KCNK10: variants seen among roughly 807,000 people sequenced by gnomAD.
KCNK10 encodes the protein potassium two pore domain channel subfamily K member 10.
KCNK10 carries 25 observed loss-of-function variants against 47.7 expected under a neutral mutation model. The observed-to-expected ratio is 0.52, with a 90% CI of 0.38 to 0.73. The LOEUF is 0.73. KCNK10 is among the 30% of genes least tolerant of loss of function. The pLI, the probability that KCNK10 is intolerant of heterozygous loss-of-function variation, is 0.00. For synonymous variants in KCNK10, 303 were observed against 285.6 expected, an observed-to-expected ratio of 1.06 and a Z score of -0.61; for missense variants, 563 against 714.5, an observed-to-expected ratio of 0.79 and a Z score of 2.42.
chr14:88,195,537 C>T (rs1031772020), intron 4 of KCNK10, among the ~76,000 whole-genome samples: 2 of 152,182 alleles, frequency 1.3e-5, no homozygotes, highest in African/African-American at 4.8e-5. Flanking sequence ...GAGGTCGCTG[C>T]TGGTTGTCCT....
At chr14:88,256,855 G>A (rs1886971740) in intron 2 of KCNK10, among the ~76,000 whole-genome samples, 1 of 152,156 alleles carries the variant, frequency 6.6e-6, no homozygotes, top group Middle Eastern at 3.4e-3. Flanking sequence ...AGCTTCTTTT[G>A]TTTAATCCTC....
chr14:88,273,312 C>A (rs1887450864), intron 1 of KCNK10, among the ~76,000 whole-genome samples: 1 of 152,154 alleles, frequency 6.6e-6, no homozygotes, highest in African/African-American at 2.4e-5. Flanking sequence ...CTGTCTCCAG[C>A]ACCATTCACA....
chr14:88,308,649 G>A (rs1044654842), intron 1 of KCNK10, among the ~76,000 whole-genome samples: 2 of 152,350 alleles, frequency 1.3e-5, no homozygotes, highest in Non-Finnish European at 2.9e-5. Flanking sequence ...TCAGCATCTT[G>A]CAATTCCTTG....
chr14:88,271,855 A>T (rs1387114251), intron 1 of KCNK10, among the ~76,000 whole-genome samples: 1 of 151,894 alleles, frequency 6.6e-6, no homozygotes, highest in Non-Finnish European at 1.5e-5. Flanking sequence ...CCTTCTCGGG[A>T]CTTGTAAGCT....
intron 4 of KCNK10, among the ~76,000 whole-genome samples, chr14:88,224,675 T>A (rs1189698716): frequency 6.6e-6 from 1 of 152,174 alleles, no homozygotes; most frequent in East Asian, 1.9e-4. Flanking sequence ...AGTGGCACGA[T>A]CTCAACTCAC....
At chr14:88,255,578 C>T (rs1286775302) in intron 2 of KCNK10, among the ~76,000 whole-genome samples, 1 of 151,548 alleles carries the variant, frequency 6.6e-6, no homozygotes, top group African/African-American at 2.4e-5. Flanking sequence ...TGGTATCCAC[C>T]TGTAGTCCCA....
chr14:88,188,206 T>C (rs1001331137), intron 5 of KCNK10, 97 bp from the exon 6 acceptor site: 6 of 1,390,286 alleles, frequency 4.3e-6, no homozygotes, highest in Middle Eastern at 1.8e-4. Context: ...TCATCCATCA[T>C]TGTTTAACAC....
chr14:88,324,157 G>A (rs1888614056), upstream of KCNK10, among the ~76,000 whole-genome samples: 1 of 152,246 alleles, frequency 6.6e-6, no homozygotes, highest in Admixed American at 6.5e-5. Context: ...CCGGGATCCT[G>A]GGACCAGCAG....
intron 1 of KCNK10, among the ~76,000 whole-genome samples, chr14:88,292,808 T>C (rs1887909804): frequency 6.6e-6 from 1 of 152,118 alleles, no homozygotes; most frequent in African/African-American, 2.4e-5. Context: ...AGTTTTTGTA[T>C]TTTCAGTAGA....
chr14:88,258,672 T>C (rs956643850), intron 2 of KCNK10, among the ~76,000 whole-genome samples: 1 of 152,170 alleles, frequency 6.6e-6, no homozygotes, highest in Non-Finnish European at 1.5e-5. Flanking sequence ...AACAAGTGGA[T>C]GGATGGATAG....
intron 1 of KCNK10, among the ~76,000 whole-genome samples, chr14:88,300,630 T>C (rs1348127779): frequency 6.6e-6 from 1 of 152,210 alleles, no homozygotes; most frequent in Non-Finnish European, 1.5e-5. Flanking sequence ...GGGTTCTTAC[T>C]GCACTCATCA....
chr14:88,310,891 T>C (rs779518435), intron 1 of KCNK10, among the ~76,000 whole-genome samples: 33 of 152,178 alleles, frequency 2.2e-4, no homozygotes, highest in Non-Finnish European at 4.0e-4. Flanking sequence ...GTCTGAAGTA[T>C]AACAGAATAT....
At chr14:88,296,403 A>G (rs1887984983) in intron 1 of KCNK10, among the ~76,000 whole-genome samples, 1 of 152,252 alleles carries the variant, frequency 6.6e-6, no homozygotes, top group Non-Finnish European at 1.5e-5. Flanking sequence ...ATTTAAAAAT[A>G]GTGTTTCTGA....
chr14:88,188,386 C>T (rs902922725), intron 5 of KCNK10, among the ~76,000 whole-genome samples: 1 of 152,222 alleles, frequency 6.6e-6, no homozygotes, highest in African/African-American at 2.4e-5. Flanking sequence ...CCTACTAATG[C>T]TTGACCTGAG....
intron 4 of KCNK10, among the ~76,000 whole-genome samples, chr14:88,213,771 T>C (rs1376578048): frequency 7.1e-6 from 1 of 141,334 alleles, no homozygotes; most frequent in South Asian, 2.1e-4. Flanking sequence ...CTGAAAGATA[T>C]GAGGAAAGAG....
At chr14:88,310,651 A>T (rs1888308895) in intron 1 of KCNK10, among the ~76,000 whole-genome samples, 1 of 152,216 alleles carries the variant, frequency 6.6e-6, no homozygotes, top group Non-Finnish European at 1.5e-5. Context: ...ACCCTGCCAG[A>T]GAAAGGGATC....
intron 1 of KCNK10, among the ~76,000 whole-genome samples, chr14:88,291,888 C>A (rs1373600825): frequency 1.3e-5 from 2 of 151,966 alleles, no homozygotes; most frequent in East Asian, 3.9e-4. Flanking sequence ...GGGTCAGAAG[C>A]TACATCAAAG....
chr14:88,227,134 C>A (rs762568451), intron 4 of KCNK10, among the ~76,000 whole-genome samples: 2 of 152,194 alleles, frequency 1.3e-5, no homozygotes, highest in Non-Finnish European at 2.9e-5. Flanking sequence ...TTGGCAAATC[C>A]ATACTTAACC....
At chr14:88,319,197 A>G (rs1181788160) in intron 1 of KCNK10, among the ~76,000 whole-genome samples, 1 of 152,098 alleles carries the variant, frequency 6.6e-6, no homozygotes, top group African/African-American at 2.4e-5. Flanking sequence ...TTTTACCTAC[A>G]CCTCTTGACA....
Sources: allele counts gnomAD v4.1 joint callset (sites outside exome capture counted in the v4.1 genomes callset), GRCh38; gene constraint gnomAD v4.1.1; transcripts MANE v1.5; gene names NCBI Gene and HGNC (gene_info 2026-07-23, HGNC 2026-07-21).